The following MBNL2 variants were observed in gnomAD, a reference collection of about 807,000 sequenced individuals.
The protein encoded by MBNL2 is muscleblind like splicing regulator 2.
MBNL2 carries 17 observed loss-of-function variants against 41.9 expected under a neutral mutation model. The ratio of observed to expected loss-of-function variants is 0.41; its 90% CI spans 0.28 to 0.61. MBNL2 has a LOEUF of 0.61. MBNL2 is among the 20% of genes least tolerant of loss of function. The pLI, the probability that MBNL2 is intolerant of heterozygous loss-of-function variation, is 0.35. For synonymous variants in MBNL2, 195 were observed against 182.9 expected, an observed-to-expected ratio of 1.07 and a Z score of -0.53; for missense variants, 336 against 505.6, an observed-to-expected ratio of 0.66 and a Z score of 3.22.
chr13:97,285,532 C>T (rs912250020), intron 2 of MBNL2, among the ~76,000 whole-genome samples: 2 of 152,186 alleles, frequency 1.3e-5, no homozygotes, highest in Non-Finnish European at 2.9e-5. Context: ...AACAGAAATT[C>T]AAATTTTGAT....
chr13:97,200,393 C>T, the MBNL2 span, among the ~76,000 whole-genome samples: 2 of 152,172 alleles, frequency 1.3e-5, no homozygotes, highest in Admixed American at 1.3e-4. Context: ...CATCTCATGT[C>T]AAATATCTCT....
At chr13:97,255,107 G>A (rs117119983) in intron 1 of MBNL2, among the ~76,000 whole-genome samples, 3,837 of 152,204 alleles carry the variant, frequency 0.025, 60 homozygotes, top group Middle Eastern at 0.054. Context: ...CTCCAACTGC[G>A]AGGCAGGAAA....
In MBNL2 at chr13:97,263,944, C is replaced by A. The variant is rs79781457; in HGVS notation, c.-604-11688C>A. On this transcript the variant is annotated intron_variant, in intron 1 of 8. Transcript: ENST00000679496. The stretch of plus-strand genomic sequence containing the variant: ...TACTTTTATTTTTTTAATTATTAGA[C>A]AGTTGTAGTATAATCGAATTTTTCA... 3.8e-3 allele frequency among the ~76,000 whole-genome samples: 577 copies of A among 151,088 alleles called. 8 individuals are homozygous for A. Among genetic ancestry groups the A allele is most frequent in the East Asian group, 0.015 (77 of 5,046 alleles).
chr13:97,243,328 T>C (rs73555754), intron 1 of MBNL2, among the ~76,000 whole-genome samples: 3,904 of 152,286 alleles, frequency 0.026, 94 homozygotes, highest in South Asian at 0.12. Context: ...GTAGCCAGCA[T>C]GTGTCGGATG....
intron 2 of MBNL2, among the ~76,000 whole-genome samples, chr13:97,310,736 C>A (rs1452744596): frequency 6.6e-6 from 1 of 151,842 alleles, no homozygotes; most frequent in Non-Finnish European, 1.5e-5. Flanking sequence ...GCCTATAGCC[C>A]TCCTGTTTCT....
At chr13:97,187,334 C>A in the MBNL2 span, among the ~76,000 whole-genome samples, 1 of 151,940 alleles carries the variant, frequency 6.6e-6, no homozygotes, top group Non-Finnish European at 1.5e-5. Context: ...GATTTAGTCC[C>A]TGTTCACATT....
chr13:97,234,792 G>A (rs1242533176), intron 1 of MBNL2, among the ~76,000 whole-genome samples: 1 of 152,204 alleles, frequency 6.6e-6, no homozygotes, highest in East Asian at 1.9e-4. Flanking sequence ...ACACGTTTTT[G>A]GTTTTCTTCC....
chr13:97,302,633 G>A (rs1268590607), intron 2 of MBNL2, among the ~76,000 whole-genome samples: 2 of 152,196 alleles, frequency 1.3e-5, no homozygotes, highest in Non-Finnish European at 1.5e-5. Context: ...ACTGGTATGT[G>A]GCAGAGTTGA....
chr13:97,199,332 A>G, the MBNL2 span, among the ~76,000 whole-genome samples: 1 of 152,062 alleles, frequency 6.6e-6, no homozygotes, highest in Non-Finnish European at 1.5e-5. Context: ...TATTTTTTCC[A>G]TAGCAGCTAT....
chr13:97,198,652 A>G, the MBNL2 span, among the ~76,000 whole-genome samples: 1 of 151,904 alleles, frequency 6.6e-6, no homozygotes, highest in African/African-American at 2.4e-5. Context: ...TTCTTTTCCC[A>G]TAGTCTTCTC....
At chr13:97,158,182 T>C in the MBNL2 span, among the ~76,000 whole-genome samples, 2 of 152,032 alleles carry the variant, frequency 1.3e-5, no homozygotes. Flanking sequence ...TTTATTTGCG[T>C]AGAGGTGTTT....
chr13:97,388,792 G>A (rs1420275689), intron 8 of MBNL2, among the ~76,000 whole-genome samples: 1 of 152,076 alleles, frequency 6.6e-6, no homozygotes, highest in Non-Finnish European at 1.5e-5. Context: ...TCAGCAAGCT[G>A]TATTTCTCAG....
the MBNL2 span, among the ~76,000 whole-genome samples, chr13:97,160,053 T>A: frequency 6.6e-6 from 1 of 152,322 alleles, no homozygotes; most frequent in East Asian, 1.9e-4. Flanking sequence ...GTAGATTTGG[T>A]CTTTTCACAT....
chr13:97,262,337 T>C (rs906914626), intron 1 of MBNL2, among the ~76,000 whole-genome samples: 1 of 152,306 alleles, frequency 6.6e-6, no homozygotes, highest in African/African-American at 2.4e-5. Context: ...CCACAAATTG[T>C]CCACATGCCT....
chr13:97,389,989 A>G (rs942874429), intron 8 of MBNL2, among the ~76,000 whole-genome samples: 2 of 152,160 alleles, frequency 1.3e-5, no homozygotes, highest in African/African-American at 4.8e-5. Context: ...GTGTTTACAT[A>G]TAAAATAATA....
chr13:97,145,989 C>CTTTTCTTTTCTTTTCTTT, the MBNL2 span, among the ~76,000 whole-genome samples: 185 of 141,760 alleles, frequency 1.3e-3, no homozygotes, highest in African/African-American at 5.0e-3. Flanking sequence ...CTTTTCTTTT[C>CTTTTCTTTTCTTTTCTTT]TTTTCTTTTC....
chr13:97,221,296 CTTG>C (rs1203957007), upstream of MBNL2: 3 of 151,846 alleles, frequency 2.0e-5, no homozygotes, highest in East Asian at 3.9e-4. Context: ...AAAATGTATG[CTTG>C]TTGTGTTTGC....
intron 2 of MBNL2, among the ~76,000 whole-genome samples, chr13:97,329,688 CACAATACACA>C: frequency 0.021 from 2 of 96 alleles, no homozygotes; most frequent in Non-Finnish European, 0.017. Flanking sequence ...ACACAACACA[CACAATACACA>C]CACATGCAGC....
chr13:97,331,610 T>C (rs992903764), intron 2 of MBNL2, among the ~76,000 whole-genome samples: 2 of 152,218 alleles, frequency 1.3e-5, no homozygotes, highest in African/African-American at 4.8e-5. Context: ...AAAATCTAGT[T>C]CTACCACTTA....
Sources: allele counts gnomAD v4.1 joint callset (sites outside exome capture counted in the v4.1 genomes callset), GRCh38; gene constraint gnomAD v4.1.1; transcripts MANE v1.5; gene names NCBI Gene and HGNC (gene_info 2026-07-23, HGNC 2026-07-21).